Variants in EPOR observed in about 807,000 individuals in gnomAD.
The protein encoded by EPOR is erythropoietin receptor.
A neutral mutation model predicts 34.3 loss-of-function variants in EPOR; 20 were observed. The ratio of observed to expected loss-of-function variants is 0.58; its 90% confidence interval spans 0.41 to 0.85. EPOR has a LOEUF of 0.85. Among genes scored for constraint, EPOR ranks in the 40% least tolerant of loss-of-function variants. EPOR has a pLI of 0.00. For synonymous variants in EPOR, 312 were observed against 299.0 expected (o/e 1.04, Z -0.45); for missense variants, 601 against 672.7 (o/e 0.89, Z 1.18).
chr19:11,381,129 C>CGCGCGGACGGCGAAGGTGTA lies in EPOR; in HGVS notation c.646_665dup (p.Arg223ThrfsTer28), dbSNP rs1968350399. The CGCGCGGACGGCGAAGGTGTA allele has an allele frequency of 6.3e-7, 1 of 1,575,744 alleles. No homozygotes were observed. The highest frequency in any genetic ancestry group is 8.6e-7 in the Non-Finnish European group (1 of 1,160,558). Reference sequence around the variant, plus strand: ...CGCCGAAGCTCGGCTCAGCCATACGCGCGCGGACGGCGAAGGTGTAGCGCG... The same window carrying CGCGCGGACGGCGAAGGTGTA: ...CGCCGAAGCTCGGCTCAGCCATACGCGCGCGGACGGCGAAGGTGTAGCGCGGACGGCGAAGGTGTAGCGCG... On this transcript the variant is annotated frameshift_variant, in exon 5 of 8. Transcript: ENST00000222139. LOFTEE classifies it high-confidence loss of function. The surrounding 1 kb of genome is among the most constrained non-coding windows in gnomAD (Gnocchi z 5.3).
At position 11,384,290 on chromosome 19, in the gene EPOR, C is replaced by G; in HGVS notation, c.-83G>C. The G allele has an allele frequency of 1.1e-6, 1 of 944,520 alleles. No individual in the cohort carries two copies. Among genetic ancestry groups the G allele is most frequent in the African/African-American group, 1.6e-5 (1 of 61,710 alleles). The allele number at this position is 944,520 out of a possible 1,614,324, so 58.5% of individuals were successfully genotyped here. On this transcript the variant is annotated 5_prime_UTR_variant, in exon 1 of 8. Coordinates refer to ENST00000222139, the MANE Select transcript of EPOR (RefSeq NM_000121.4). Reference sequence around the variant, plus strand: ...GCACAGTCCACAGCTGGGTCAGCAGCTGCCTCCGCCGGACGCAGCTGACCA... The same window carrying G: ...GCACAGTCCACAGCTGGGTCAGCAGGTGCCTCCGCCGGACGCAGCTGACCA...
rs2144700861 is a variant in EPOR, at chr19:11,383,873, T to G, written c.115+220A>C. On this transcript the variant is annotated intron_variant, in intron 1 of 7. Transcript: ENST00000222139. This position sits in a 1 kb window ranked among gnomAD's most constrained non-coding sequence, Gnocchi z 4.9. Reference sequence around the variant, plus strand: ...GGGAATGTTAAGCCCACTCTAGCTCTTGCCCGGGACGCGATCAGGAGTCTT... The same window carrying G: ...GGGAATGTTAAGCCCACTCTAGCTCGTGCCCGGGACGCGATCAGGAGTCTT... 2.0e-5 allele frequency among the ~76,000 whole-genome samples: 3 copies of G among 151,334 alleles called. No individual in the cohort carries two copies. The highest frequency in any genetic ancestry group is 1.3e-4 in the Admixed American group (2 of 15,214).
At position 11,383,292 on chromosome 19, in the gene EPOR, C is replaced by T. The variant is rs989323772; in HGVS notation, c.116-60G>A. 17 of 1,480,406 alleles carry T rather than the reference C, an allele frequency of 1.1e-5. No individual in the cohort carries two copies. The highest frequency in any genetic ancestry group is 1.4e-5 in the African/African-American group (1 of 71,546). 91.7% of individuals were successfully genotyped at this position (1,480,406 alleles called of 1,614,324 possible). A position where few individuals can be genotyped will look rare whatever the true frequency, so the allele number is the denominator to read the frequency against. ...CTGAGCTCTATCCTCGGGAGACAGC[C>T]CCCTCCTCTTCCCTCCCGCAGCCTG... is the stretch of plus-strand genomic sequence containing the variant. On this transcript the variant is annotated intron_variant, in intron 1 of 7. Transcript: ENST00000222139. This position sits in a 1 kb window ranked among gnomAD's most constrained non-coding sequence, Gnocchi z 4.9.
chr19:11,383,089 G>C lies in EPOR; in HGVS notation c.251+8C>G, dbSNP rs760820356. 9.9e-6 allele frequency: 16 copies of C among 1,613,482 alleles called. No individual in the cohort carries two copies. In the South Asian group the frequency reaches 1.5e-4, roughly 16 times the overall value. On this transcript the variant is annotated splice_region_variant and intron_variant, in intron 2 of 7. Transcript: ENST00000222139. This position sits in a 1 kb window ranked among gnomAD's most constrained non-coding sequence, Gnocchi z 4.9. ...CGCCCTTGGAGGCACCCGCCGGATC[G>C]GACTCACTCGAGCTGGTAGGAGAAG...
At chr19:11,384,035 G>C in intron 1 of EPOR, 58 bp downstream of exon 1, 1 of 1,189,224 alleles carries the variant, frequency 8.4e-7, no homozygotes, top group Non-Finnish European at 1.2e-6. Context: ...TGGGAGTTCA[G>C]GCCCCAGCAT....
Position 11,381,897 on chromosome 19 carries a change from C to T in EPOR, c.427+33G>A, listed in dbSNP as rs1342490630. 2 of 1,614,098 alleles carry T rather than the reference C, an allele frequency of 1.2e-6. No individual in the cohort carries two copies. The highest frequency in any genetic ancestry group is 8.5e-7 in the Non-Finnish European group (1 of 1,180,018). On this transcript the variant is annotated intron_variant, in intron 3 of 7. Transcript: ENST00000222139. The surrounding 1 kb of genome is among the most constrained non-coding windows in gnomAD (Gnocchi z 5.3). ...GGTGGGCGAGGACTGAGACCCTCTCCTCCGACCACTCCTCCATTCCCAGAG... is the reference window on the plus strand; with the variant it reads ...GGTGGGCGAGGACTGAGACCCTCTCTTCCGACCACTCCTCCATTCCCAGAG...
chr19:11,384,145 C>T lies in EPOR; in HGVS notation c.63G>A (p.Gly21=), dbSNP rs1450120658. The T allele has an allele frequency of 1.9e-6, 3 of 1,550,468 alleles. No individual in the cohort carries two copies. The highest frequency in any genetic ancestry group is 2.7e-5 in the African/African-American group (2 of 73,174). The change falls in exon 1 of 8, where the codon GGG becomes GGA. Residue 21 remains glycine (G), a synonymous_variant. Transcript: ENST00000222139. The part of the protein sequence containing the change: ...QVGSLCLLLA[G]AAWAPPPNLP... ...GGTTAGGCGGGGGCGCCCAGGCGGC[C>T]CCAGCGAGCAGGAGACAAAGGGAGC...
At position 11,377,543 on chromosome 19, in the gene EPOR, T is replaced by C. The variant is rs1461218656; in HGVS notation, c.*441A>G. The stretch of plus-strand genomic sequence containing the variant: ...ACCTCTGACTCATCCCATGGATGGC[T>C]GCCCATTTGAGCTGAGTTAGGAGAG... On this transcript the variant is annotated 3_prime_UTR_variant, in exon 8 of 8. Coordinates refer to ENST00000222139, the MANE Select transcript of EPOR (RefSeq NM_000121.4). 1 of 454,528 alleles carries C rather than the reference T, an allele frequency of 2.2e-6. No homozygotes were observed. The highest frequency in any genetic ancestry group is 4.4e-6 in the Non-Finnish European group (1 of 227,156). 28.2% of individuals were successfully genotyped at this position (454,528 alleles called of 1,614,324 possible). A position where few individuals can be genotyped will look rare whatever the true frequency, so the allele number is the denominator to read the frequency against.
chr19:11,381,741 C>T lies in EPOR; in HGVS notation c.536G>A (p.Arg179His), dbSNP rs758069237. Residue 179 changes from arginine to histidine, a missense_variant, in exon 4 of 8, where the codon CGC (arginine) becomes CAC (histidine). By Grantham distance (29) the Arg-to-His change is conservative. Coordinates refer to ENST00000222139, the MANE Select transcript of EPOR (RefSeq NM_000121.4). The surrounding 1 kb of genome is among the most constrained non-coding windows in gnomAD (Gnocchi z 5.3). ...PPETPMTSHI[R>H]YEVDVSAGNG... The stretch of plus-strand genomic sequence containing the variant: ...GCCGGCCGAGACGTCCACCTCGTAG[C>T]GGATGTGAGACGTCATGGGTGTCTC... 6.2e-7 allele frequency: 1 copy of T among 1,613,070 alleles called. No individual in the cohort carries two copies. Among genetic ancestry groups the T allele is most frequent in the South Asian group, 1.1e-5 (1 of 90,932 alleles).
Position 11,381,922 on chromosome 19 carries a change from G to T in EPOR, c.427+8C>A. On this transcript the variant is annotated splice_region_variant and intron_variant, in intron 3 of 7. Transcript: ENST00000222139. The surrounding 1 kb of genome is among the most constrained non-coding windows in gnomAD (Gnocchi z 5.3). The stretch of plus-strand genomic sequence containing the variant: ...CTCCGACCACTCCTCCATTCCCAGA[G>T]CACTTACCTACTTCATTGATGTGGA... 6.2e-7 allele frequency: 1 copy of T among 1,614,226 alleles called. No homozygotes were observed. The highest frequency in any genetic ancestry group is 1.7e-5 in the Admixed American group (1 of 60,028).
chr19:11,381,161 C>T lies in EPOR; in HGVS notation c.634G>A (p.Gly212Ser). Residue 212 changes from glycine to serine, a missense_variant, in exon 5 of 8, where the codon GGC becomes AGC. By Grantham distance (56) the Gly-to-Ser change is moderately conservative. Transcript: ENST00000222139. The surrounding 1 kb of genome is among the most constrained non-coding windows in gnomAD (Gnocchi z 5.3). ...RTECVLSNLR[G>S]RTRYTFAVRA... ...ACGGCGAAGGTGTAGCGCGTCCGGC[C>T]CCGCAGGTTGCTCAGCACACACTCG... The T allele has an allele frequency of 1.9e-6, 3 of 1,554,538 alleles. No homozygotes were observed. The highest frequency in any genetic ancestry group is 2.6e-6 in the Non-Finnish European group (3 of 1,149,484).
Position 11,381,224 on chromosome 19 carries a change from A to G in EPOR, c.586-15T>C. ...AGGATCTCCACCTGGGGGCGGAATCAGGGCGAGGGACGCGTAGCAGACAAA... is the reference window on the plus strand; with the variant it reads ...AGGATCTCCACCTGGGGGCGGAATCGGGGCGAGGGACGCGTAGCAGACAAA... On this transcript the variant is annotated splice_polypyrimidine_tract_variant and intron_variant, in intron 4 of 7. Coordinates refer to ENST00000222139, the MANE Select transcript of EPOR (RefSeq NM_000121.4). This position sits in a 1 kb window ranked among gnomAD's most constrained non-coding sequence, Gnocchi z 5.3. 1.9e-6 allele frequency: 3 copies of G among 1,548,866 alleles called. No homozygotes were observed. Among genetic ancestry groups the G allele is most frequent in the Non-Finnish European group, 2.6e-6 (3 of 1,146,948 alleles).
chr19:11,380,040 A>G (rs960656645), intron 6 of EPOR, among the ~76,000 whole-genome samples: 1 of 152,088 alleles, frequency 6.6e-6, no homozygotes, highest in Non-Finnish European at 1.5e-5. Flanking sequence ...GAACGTTCCA[A>G]TCTCATTCCC....
chr19:11,381,295 G>A lies in EPOR; in HGVS notation c.586-86C>T, dbSNP rs1242769505. ...GCCCTGGTGGAACTGAGCCAATCAG[G>A]GGAAAGGAAAACGGTGCCCTAGAAT... On this transcript the variant is annotated intron_variant, in intron 4 of 7. Coordinates refer to ENST00000222139, the MANE Select transcript of EPOR (RefSeq NM_000121.4). This position sits in a 1 kb window ranked among gnomAD's most constrained non-coding sequence, Gnocchi z 5.3. The A allele has an allele frequency of 2.7e-6, 4 of 1,460,136 alleles. No individual in the cohort carries two copies. The highest frequency in any genetic ancestry group is 2.5e-5 in the East Asian group (1 of 40,488). The allele number at this position is 1,460,136 out of a possible 1,614,324, so 90.4% of individuals were successfully genotyped here.
Position 11,378,833 on chromosome 19 carries a change from A to G in EPOR, c.828-55T>C, listed in dbSNP as rs1968319424. ...GATATGACTCATTGAATACTCACCA[A>G]TTCCCCCTCCACTCCCAGTCATAGA... On this transcript the variant is annotated intron_variant, in intron 6 of 7. Coordinates refer to ENST00000222139, the MANE Select transcript of EPOR (RefSeq NM_000121.4). The surrounding 1 kb of genome is among the most constrained non-coding windows in gnomAD (Gnocchi z 5.3). The G allele has an allele frequency of 1.9e-6, 3 of 1,540,302 alleles. No individual in the cohort carries two copies. Among genetic ancestry groups the G allele is most frequent in the Admixed American group, 1.7e-5 (1 of 59,350 alleles).
rs1968359854 is a variant in EPOR, at chr19:11,381,617, G to C, written c.585+75C>G. On this transcript the variant is annotated intron_variant, in intron 4 of 7. Coordinates refer to ENST00000222139, the MANE Select transcript of EPOR (RefSeq NM_000121.4). This position sits in a 1 kb window ranked among gnomAD's most constrained non-coding sequence, Gnocchi z 5.3. ...CGGACCGGCCCTGAAAGCGGCACCG[G>C]GCGCGACCTCGAGAGGCGTGGCTGG... 2 of 1,492,904 alleles carry C rather than the reference G, an allele frequency of 1.3e-6. No homozygotes were observed. Among genetic ancestry groups the C allele is most frequent in the Non-Finnish European group, 1.8e-6 (2 of 1,102,826 alleles). 92.5% of individuals were successfully genotyped at this position (1,492,904 alleles called of 1,614,324 possible).
rs1483832991 is a variant in EPOR at position 11,378,492 on chromosome 19, C to A, written c.1019G>T (p.Gly340Val). The A allele has an allele frequency of 6.2e-7, 1 of 1,614,186 alleles. No homozygotes were observed. Reference protein sequence around the residue: ...SLEVLSERCWGTMQAVEPGTD... With the variant: ...SLEVLSERCWVTMQAVEPGTD... The stretch of plus-strand genomic sequence containing the variant: ...CCCCGGCTCCACTGCCTGCATCGTC[C>A]CCCAGCAGCGCTCTGAGAGGACTTC... The change falls in exon 8 of 8, where the codon GGG becomes GTG. Residue 340 changes from glycine (G) to valine (V), a missense_variant. By Grantham distance (109) the Gly-to-Val change is moderately radical. Coordinates refer to ENST00000222139, the MANE Select transcript of EPOR (RefSeq NM_000121.4). This position sits in a 1 kb window ranked among gnomAD's most constrained non-coding sequence, Gnocchi z 5.3.
In EPOR at chr19:11,382,878, G is replaced by A. The variant is rs1395309762; in HGVS notation, c.251+219C>T. On this transcript the variant is annotated intron_variant, in intron 2 of 7. Transcript: ENST00000222139. The stretch of plus-strand genomic sequence containing the variant: ...TTTGGAGGCGTTGTTATCCCAGCCT[G>A]ATGTTTGGGGTCGCGTTCCAGCGGT... The A allele has an allele frequency of 2.0e-6, 3 of 1,521,840 alleles. No homozygotes were observed. In the East Asian group the frequency reaches 7.5e-5, roughly 38 times the overall value. The allele number at this position is 1,521,840 out of a possible 1,614,324, so 94.3% of individuals were successfully genotyped here.
At position 11,383,684 on chromosome 19, in the gene EPOR, A is replaced by C. The variant is rs1307928411; in HGVS notation, c.115+409T>G. 1.6e-5 allele frequency: 4 copies of C among 249,248 alleles called. No individual in the cohort carries two copies. The highest frequency in any genetic ancestry group is 3.2e-5 in the Non-Finnish European group (4 of 126,732). The allele number at this position is 249,248 out of a possible 1,614,324, so 15.4% of individuals were successfully genotyped here. Reference sequence around the variant, plus strand: ...CAAGTGATCTGGCGCCCTCACACAAACCGTGTTTACAGTAGCCTGTGGCTT... The same window carrying C: ...CAAGTGATCTGGCGCCCTCACACAACCCGTGTTTACAGTAGCCTGTGGCTT... On this transcript the variant is annotated intron_variant, in intron 1 of 7. Transcript: ENST00000222139. This position sits in a 1 kb window ranked among gnomAD's most constrained non-coding sequence, Gnocchi z 4.9.
Sources: allele counts gnomAD v4.1 joint callset (sites outside exome capture counted in the v4.1 genomes callset), GRCh38; gene constraint gnomAD v4.1.1; non-coding constraint Gnocchi (gnomAD v3.1); transcripts MANE v1.5; gene names NCBI Gene and HGNC (gene_info 2026-07-23, HGNC 2026-07-21).